PTPRM: variants seen among roughly 807,000 people sequenced by gnomAD.
PTPRM encodes the protein receptor-type tyrosine-protein phosphatase mu.
Under a neutral mutation model 186.7 loss-of-function variants are expected in PTPRM, and 47 were observed. That is an observed-to-expected ratio of 0.25 (90% confidence interval 0.20 to 0.32). The LOEUF (loss-of-function observed/expected upper bound fraction) is 0.32. Among genes scored for constraint, PTPRM ranks in the 10% least tolerant of loss-of-function variants. The pLI is 1.00. For synonymous variants in PTPRM, 668 were observed against 674.9 expected (o/e 0.99, Z 0.16); for missense variants, 1,494 against 1,865.0 (o/e 0.80, Z 3.66).
chr18:8,378,696 G>A (rs759159811), intron 27 of PTPRM, among the ~76,000 whole-genome samples: 1 of 152,182 alleles, frequency 6.6e-6, no homozygotes, highest in Non-Finnish European at 1.5e-5. Flanking sequence ...CCCTCTGAAG[G>A]CAGACATGGA....
chr18:8,105,020 C>T (rs926526231), intron 11 of PTPRM, among the ~76,000 whole-genome samples: 1 of 152,138 alleles, frequency 6.6e-6, no homozygotes, highest in African/African-American at 2.4e-5. Context: ...GGGCTAAATG[C>T]ACTTTTGTCA....
At chr18:7,697,400 G>GCAAA (rs887256164) in intron 1 of PTPRM, among the ~76,000 whole-genome samples, 2 of 152,080 alleles carry the variant, frequency 1.3e-5, no homozygotes, top group Non-Finnish European at 2.9e-5. Context: ...AAACAAACAA[G>GCAAA]CAAACAAACA....
intron 13 of PTPRM, among the ~76,000 whole-genome samples, chr18:8,115,091 G>A (rs999981615): frequency 6.6e-6 from 1 of 152,040 alleles, no homozygotes; most frequent in Non-Finnish European, 1.5e-5. Context: ...ACCTTTTTCA[G>A]ATTTTTTCAA....
intron 14 of PTPRM, among the ~76,000 whole-genome samples, chr18:8,216,184 TTC>T (rs1184285741): frequency 2.0e-5 from 3 of 152,040 alleles, no homozygotes; most frequent in South Asian, 2.1e-4. Context: ...CTAACCCCGG[TTC>T]TCTCTCTCTC....
At chr18:8,116,518 G>A (rs892960650) in intron 13 of PTPRM, among the ~76,000 whole-genome samples, 7 of 152,142 alleles carry the variant, frequency 4.6e-5, no homozygotes, top group Non-Finnish European at 1.0e-4. Context: ...ATTGCTCATG[G>A]CTCGTCACCC....
intron 1 of PTPRM, among the ~76,000 whole-genome samples, chr18:7,746,913 C>T (rs1403999973): frequency 2.0e-5 from 3 of 152,124 alleles, no homozygotes; most frequent in Admixed American, 6.5e-5. Context: ...TTCAAGTGTA[C>T]GTGTACCTTC....
intron 9 of PTPRM, among the ~76,000 whole-genome samples, chr18:8,077,927 G>T (rs1215073228): frequency 6.6e-6 from 1 of 152,060 alleles, no homozygotes; most frequent in Non-Finnish European, 1.5e-5. Flanking sequence ...TAATTCAAAG[G>T]AAAAACCCAT....
chr18:8,303,527 G>T (rs376854406), intron 20 of PTPRM, among the ~76,000 whole-genome samples: 2 of 152,184 alleles, frequency 1.3e-5, no homozygotes, highest in Non-Finnish European at 2.9e-5. Flanking sequence ...TGGCCTGGCA[G>T]AGCGAGCTTT....
chr18:7,731,852 A>G (rs2040665300), intron 1 of PTPRM, among the ~76,000 whole-genome samples: 1 of 152,232 alleles, frequency 6.6e-6, no homozygotes. Context: ...GCTTTTCTCC[A>G]ACCTACTAAC....
intron 14 of PTPRM, among the ~76,000 whole-genome samples, chr18:8,156,170 A>C (rs374295685): frequency 2.5e-4 from 38 of 152,272 alleles, no homozygotes; most frequent in African/African-American, 8.2e-4. Context: ...GCCTCTTCTG[A>C]GCTGGACTTT....
chr18:8,039,019 T>C lies in PTPRM; in HGVS notation c.1133-30667T>C, dbSNP rs539342681. Among the ~76,000 whole-genome samples, 12 of 152,308 alleles carry C rather than the reference T, an allele frequency of 7.9e-5. No homozygotes were observed. In the South Asian group the frequency reaches 1.0e-3, roughly 13 times the overall value. ...CAGAATTATATTAGAGAAAACCTGATACATTTTATGATTTTATGCAACTCA... is the reference window on the plus strand; with the variant it reads ...CAGAATTATATTAGAGAAAACCTGACACATTTTATGATTTTATGCAACTCA... On this transcript the variant is annotated intron_variant, in intron 7 of 32. Coordinates refer to ENST00000580170, the MANE Select transcript of PTPRM (RefSeq NM_001105244.2).
chr18:8,219,328 G>C (rs796484281), intron 14 of PTPRM, among the ~76,000 whole-genome samples: 31 of 152,142 alleles, frequency 2.0e-4, no homozygotes, highest in African/African-American at 7.0e-4. Context: ...TTAGCCGGGC[G>C]TGGTGGAGGA....
At chr18:7,991,505 T>C (rs186511339) in intron 7 of PTPRM, among the ~76,000 whole-genome samples, 110 of 152,210 alleles carry the variant, frequency 7.2e-4, no homozygotes, top group African/African-American at 2.5e-3. Context: ...AACGGAAATA[T>C]TGGTTTGCAA....
chr18:7,738,083 A>G (rs2040809523), intron 1 of PTPRM, among the ~76,000 whole-genome samples: 1 of 152,132 alleles, frequency 6.6e-6, no homozygotes, highest in African/African-American at 2.4e-5. Flanking sequence ...TTGTATTGAT[A>G]AGGCTGCCTT....
chr18:8,120,733 G>A (rs976812594), intron 13 of PTPRM, among the ~76,000 whole-genome samples: 5 of 151,932 alleles, frequency 3.3e-5, no homozygotes, highest in Non-Finnish European at 5.9e-5. Flanking sequence ...GAGCTCAAGC[G>A]ATCCACCCAC....
intron 7 of PTPRM, among the ~76,000 whole-genome samples, chr18:8,057,229 A>G (rs923378192): frequency 6.6e-5 from 10 of 151,900 alleles, no homozygotes; most frequent in Non-Finnish European, 1.3e-4. Flanking sequence ...TCTTTAATAA[A>G]AAGTGATCTG....
chr18:7,607,178 C>T (rs2037551540), intron 1 of PTPRM, among the ~76,000 whole-genome samples: 2 of 152,126 alleles, frequency 1.3e-5, no homozygotes, highest in South Asian at 2.1e-4. Flanking sequence ...CAAACATTCT[C>T]ACCAGCTCCT....
chr18:8,110,733 G>T (rs1210424599), intron 11 of PTPRM, among the ~76,000 whole-genome samples: 1 of 152,172 alleles, frequency 6.6e-6, no homozygotes, highest in Non-Finnish European at 1.5e-5. Flanking sequence ...CCTCATTCCA[G>T]TGAATGATTC....
At chr18:8,151,967 C>T (rs894551053) in intron 14 of PTPRM, among the ~76,000 whole-genome samples, 13 of 152,132 alleles carry the variant, frequency 8.5e-5, no homozygotes, top group African/African-American at 1.4e-4. Flanking sequence ...TGCTTCGGCT[C>T]GCCCTCCATG....
Sources: gnomAD v4.1 joint callset for allele counts (sites outside exome capture counted in the v4.1 genomes callset) on GRCh38, gnomAD v4.1.1 for gene constraint, MANE v1.5 for transcripts, NCBI Gene and HGNC (gene_info 2026-07-23, HGNC 2026-07-21) for gene names.